NXPH2: variants seen among roughly 807,000 people sequenced by gnomAD.
The protein encoded by NXPH2 is neurexophilin-2.
In NXPH2, 5 loss-of-function variants were observed where a neutral mutation model predicts 19.8. That is an observed-to-expected ratio of 0.25 (90% CI 0.13 to 0.53). NXPH2 has a LOEUF of 0.53. Ranked by LOEUF, NXPH2 falls within the 20% of genes least tolerant of loss-of-function variation. NXPH2 has a pLI of 0.96. For synonymous variants in NXPH2, 154 were observed against 127.4 expected, an observed-to-expected ratio of 1.21 and a Z score of -1.41; for missense variants, 289 against 322.8, an observed-to-expected ratio of 0.90 and a Z score of 0.80.
chr2:138,727,460 T>C (rs910210100), intron 1 of NXPH2, among the ~76,000 whole-genome samples: 1 of 152,004 alleles, frequency 6.6e-6, no homozygotes, highest in African/African-American at 2.4e-5. Context: ...TTTTTGTTTG[T>C]TTGTTTGTTT....
chr2:138,672,594 T>C lies in NXPH2; in HGVS notation c.52-929A>G, dbSNP rs1470836006. On this transcript the variant is annotated intron_variant, in intron 1 of 1. Coordinates refer to ENST00000272641, the MANE Select transcript of NXPH2 (RefSeq NM_007226.3). ...ATGATGCTGTTGCATGGAGTGAATA[T>C]TTATGGATGATTTATAAAAAGTCTG... Among the ~76,000 whole-genome samples the C allele has an allele frequency of 2.6e-5, 4 of 152,184 alleles. No homozygotes were observed. In the East Asian group the frequency reaches 7.7e-4, roughly 29 times the overall value.
intron 1 of NXPH2, among the ~76,000 whole-genome samples, chr2:138,694,436 G>A (rs1241322828): frequency 2.6e-5 from 4 of 152,148 alleles, no homozygotes; most frequent in African/African-American, 9.7e-5. Context: ...CACAAAGGTA[G>A]ACACCACTGA....
At chr2:138,760,774 A>G (rs1174175816) in intron 1 of NXPH2, among the ~76,000 whole-genome samples, 2 of 152,218 alleles carry the variant, frequency 1.3e-5, no homozygotes, top group Non-Finnish European at 2.9e-5. Context: ...ACTGCATACT[A>G]AAAGTTGTGA....
intron 1 of NXPH2, among the ~76,000 whole-genome samples, chr2:138,749,748 A>T (rs1052125512): frequency 6.6e-6 from 1 of 152,232 alleles, no homozygotes; most frequent in African/African-American, 2.4e-5. Flanking sequence ...AATTTCACTG[A>T]CATGAAACAT....
At chr2:138,771,682 G>C (rs1682179884) in intron 1 of NXPH2, among the ~76,000 whole-genome samples, 1 of 152,170 alleles carries the variant, frequency 6.6e-6, no homozygotes, top group African/African-American at 2.4e-5. Context: ...GCTTCAGCCT[G>C]CTCCTGCAGG....
intron 1 of NXPH2, among the ~76,000 whole-genome samples, chr2:138,745,981 G>C (rs930769246): frequency 6.6e-5 from 10 of 152,184 alleles, no homozygotes; most frequent in Admixed American, 2.6e-4. Flanking sequence ...GGTCAAAATA[G>C]CCATCCACAG....
At chr2:138,749,704 AG>A (rs1681797441) in intron 1 of NXPH2, among the ~76,000 whole-genome samples, 1 of 152,218 alleles carries the variant, frequency 6.6e-6, no homozygotes. Context: ...CAAATAGTTA[AG>A]AATACAATTT....
intron 1 of NXPH2, among the ~76,000 whole-genome samples, chr2:138,779,190 A>G (rs1419701704): frequency 1.3e-5 from 2 of 152,222 alleles, no homozygotes; most frequent in Non-Finnish European, 2.9e-5. Context: ...GACCAAAGAA[A>G]CTATGGCATC....
intron 1 of NXPH2, among the ~76,000 whole-genome samples, chr2:138,739,503 GGAGGAAGGGAATGAGGGAGA>G (rs1427222876): frequency 6.6e-6 from 1 of 152,032 alleles, no homozygotes; most frequent in Non-Finnish European, 1.5e-5. Context: ...GTGTAGAACA[GGAGGAAGGGAATGAGGGAGA>G]GAGGAAATGG....
intron 1 of NXPH2, among the ~76,000 whole-genome samples, chr2:138,753,038 C>T (rs899754459): frequency 3.9e-5 from 6 of 152,024 alleles, no homozygotes; most frequent in East Asian, 1.9e-4. Context: ...CCTTTTCATA[C>T]GGTATTGTCT....
At chr2:138,746,471 G>T (rs2105009272) in intron 1 of NXPH2, among the ~76,000 whole-genome samples, 1 of 152,336 alleles carries the variant, frequency 6.6e-6, no homozygotes, top group East Asian at 1.9e-4. Context: ...AGGATGAATG[G>T]TGACCTGTAT....
chr2:138,755,803 C>T (rs10928667), intron 1 of NXPH2, among the ~76,000 whole-genome samples: 40,272 of 151,954 alleles, frequency 0.27, 6,194 homozygotes, highest in Non-Finnish European at 0.35. Flanking sequence ...AATTCACAAA[C>T]ATGCACTGGC....
intron 1 of NXPH2, among the ~76,000 whole-genome samples, chr2:138,766,523 T>C (rs1203379870): frequency 2.6e-5 from 4 of 152,172 alleles, no homozygotes; most frequent in Admixed American, 2.6e-4. Flanking sequence ...ATGCACAGGA[T>C]GGCTCCCAAC....
intron 1 of NXPH2, among the ~76,000 whole-genome samples, chr2:138,722,832 A>G (rs535270295): frequency 2.8e-4 from 42 of 152,310 alleles, no homozygotes; most frequent in African/African-American, 9.4e-4. Context: ...GCCTACAATT[A>G]CTCAAAAACA....
intron 1 of NXPH2, among the ~76,000 whole-genome samples, chr2:138,703,434 C>A (rs1292294253): frequency 6.6e-6 from 1 of 152,106 alleles, no homozygotes; most frequent in Admixed American, 6.6e-5. Flanking sequence ...AATAATAAGT[C>A]CCCAGGGCCT....
At chr2:138,714,456 A>T (rs1681158910) in intron 1 of NXPH2, among the ~76,000 whole-genome samples, 1 of 152,152 alleles carries the variant, frequency 6.6e-6, no homozygotes, top group South Asian at 2.1e-4. Context: ...TTTTCTCATT[A>T]ATTAGAAGAC....
At chr2:138,719,928 A>T (rs957824529) in intron 1 of NXPH2, among the ~76,000 whole-genome samples, 2 of 152,136 alleles carry the variant, frequency 1.3e-5, no homozygotes, top group Admixed American at 1.3e-4. Flanking sequence ...ATAGCTTTTT[A>T]TAAAAAAATT....
At chr2:138,680,849 T>C (rs1195736962) in intron 1 of NXPH2, among the ~76,000 whole-genome samples, 2 of 152,236 alleles carry the variant, frequency 1.3e-5, no homozygotes, top group Non-Finnish European at 2.9e-5. Flanking sequence ...TATATTGATT[T>C]GTTTATAATT....
intron 1 of NXPH2, among the ~76,000 whole-genome samples, chr2:138,718,817 T>G (rs1681232918): frequency 6.6e-6 from 1 of 152,180 alleles, no homozygotes; most frequent in Non-Finnish European, 1.5e-5. Flanking sequence ...TTCAAAAGCT[T>G]TGAATTAACC....
Sources: allele counts gnomAD v4.1 joint callset (sites outside exome capture counted in the v4.1 genomes callset), GRCh38; gene constraint gnomAD v4.1.1; transcripts MANE v1.5; gene names NCBI Gene and HGNC (gene_info 2026-07-23, HGNC 2026-07-21).